ADAM29: variants seen among roughly 807,000 people sequenced by gnomAD.
ADAM29 encodes ADAM metallopeptidase domain 29.
For missense variants in ADAM29, 969 were observed against 1,001.8 expected, an observed-to-expected ratio of 0.97 and a Z score of 0.44; for synonymous variants, 367 against 342.3, an observed-to-expected ratio of 1.07 and a Z score of -0.80.
At chr4:174,975,278 C>T (rs957788218) in intron 4 of ADAM29, 68 bp from the exon 5 acceptor site, 1 of 368,074 alleles carries the variant, frequency 2.7e-6, no homozygotes, top group African/African-American at 2.1e-5. Flanking sequence ...TCCTCTTCCC[C>T]ACTGGATTCT....
At chr4:174,960,578 T>C (rs1190109745) in intron 4 of ADAM29, among the ~76,000 whole-genome samples, 4 of 152,172 alleles carry the variant, frequency 2.6e-5, no homozygotes, top group Non-Finnish European at 5.9e-5. Flanking sequence ...GACCTAAGAA[T>C]ATTTACATCT....
chr4:174,956,339 G>A (rs925064674), intron 4 of ADAM29, among the ~76,000 whole-genome samples: 2 of 151,794 alleles, frequency 1.3e-5, no homozygotes, highest in Non-Finnish European at 2.9e-5. Context: ...ATATATACTT[G>A]TGTTTCAGTT....
chr4:174,951,472 C>T (rs922221313), intron 4 of ADAM29, among the ~76,000 whole-genome samples: 3 of 152,094 alleles, frequency 2.0e-5, no homozygotes, highest in Non-Finnish European at 2.9e-5. Flanking sequence ...TATGTTCTTT[C>T]TTAGGAAGCC....
At chr4:174,959,903 C>G (rs1254395264) in intron 4 of ADAM29, among the ~76,000 whole-genome samples, 1 of 151,882 alleles carries the variant, frequency 6.6e-6, no homozygotes, top group Non-Finnish European at 1.5e-5. Context: ...TCAGTTTATA[C>G]ATTTCTTATG....
chr4:174,952,509 T>C (rs1314806958), intron 4 of ADAM29, among the ~76,000 whole-genome samples: 1 of 152,166 alleles, frequency 6.6e-6, no homozygotes, highest in Non-Finnish European at 1.5e-5. Flanking sequence ...ATTTCAGATA[T>C]CCAGTTAATA....
chr4:174,946,731 G>A (rs188899263), intron 4 of ADAM29, among the ~76,000 whole-genome samples: 1 of 152,224 alleles, frequency 6.6e-6, no homozygotes, highest in East Asian at 1.9e-4. Context: ...TATCTTCCAG[G>A]TTTTGGTATC....
In ADAM29 at chr4:174,925,390, A is replaced by G. The variant is rs189713473; in HGVS notation, c.-451+4598A>G. 2.3e-3 allele frequency among the ~76,000 whole-genome samples: 346 copies of G among 152,236 alleles called. 2 individuals are homozygous for G. The highest frequency in any genetic ancestry group is 8.0e-3 in the African/African-American group (334 of 41,544). On this transcript the variant is annotated intron_variant, in intron 2 of 4. Transcript: ENST00000359240. ...GCATTTTTTTTTTCTGTAAATTAAAACGGTTTTAAAAAACAAAGTTTATAT... is the reference window on the plus strand; with the variant it reads ...GCATTTTTTTTTTCTGTAAATTAAAGCGGTTTTAAAAAACAAAGTTTATAT...
At chr4:174,949,880 T>C (rs1213144514) in intron 4 of ADAM29, among the ~76,000 whole-genome samples, 2 of 152,140 alleles carry the variant, frequency 1.3e-5, no homozygotes, top group Non-Finnish European at 2.9e-5. Flanking sequence ...TTTATTATAG[T>C]CCTTTATATC....
intron 2 of ADAM29, among the ~76,000 whole-genome samples, chr4:174,929,992 G>T (rs1207536217): frequency 6.6e-6 from 1 of 152,108 alleles, no homozygotes; most frequent in Non-Finnish European, 1.5e-5. Flanking sequence ...GCAGTGGCCT[G>T]ATCTCTGCTC....
intron 4 of ADAM29, among the ~76,000 whole-genome samples, chr4:174,947,300 T>G (rs937818045): frequency 2.6e-5 from 4 of 152,156 alleles, no homozygotes; most frequent in African/African-American, 9.7e-5. Context: ...GCTTTGGGGT[T>G]GGTTTGCTAT....
At chr4:174,945,593 C>T (rs918832806) in intron 4 of ADAM29, among the ~76,000 whole-genome samples, 2 of 152,020 alleles carry the variant, frequency 1.3e-5, no homozygotes, top group African/African-American at 2.4e-5. Context: ...ATTGTGTTTT[C>T]TAGGTTATCT....
intron 4 of ADAM29, among the ~76,000 whole-genome samples, chr4:174,945,359 A>C (rs897354894): frequency 6.6e-6 from 1 of 152,084 alleles, no homozygotes; most frequent in Non-Finnish European, 1.5e-5. Context: ...TTTACTTGCT[A>C]ATCTGCTTAA....
intron 2 of ADAM29, among the ~76,000 whole-genome samples, chr4:174,929,216 G>A (rs1743699017): frequency 6.6e-6 from 1 of 152,018 alleles, no homozygotes; most frequent in East Asian, 1.9e-4. Flanking sequence ...CCTCTTCTGT[G>A]AGGTACACTC....
chr4:174,975,791 T>C lies in ADAM29; in HGVS notation c.266T>C (p.Ile89Thr), dbSNP rs1322172726. ...TTCACCTACACAGACCAGGGTGCTA[T>C]CCTTGAGGACCAGCCATTTGTCCAG... is the stretch of plus-strand genomic sequence containing the variant. Reference protein sequence around the residue: ...PVFTYTDQGAILEDQPFVQNN... With the variant: ...PVFTYTDQGATLEDQPFVQNN... Residue 89 changes from isoleucine to threonine, a missense_variant, in exon 5 of 5, where the codon ATC becomes ACC. Transcript: ENST00000359240. 1 of 1,614,124 alleles carries C rather than the reference T, an allele frequency of 6.2e-7. No individual in the cohort carries two copies. Among genetic ancestry groups the C allele is most frequent in the Non-Finnish European group, 8.5e-7 (1 of 1,180,024 alleles).
At chr4:174,960,278 CT>C (rs1745734041) in intron 4 of ADAM29, among the ~76,000 whole-genome samples, 2 of 151,750 alleles carry the variant, frequency 1.3e-5, no homozygotes, top group Admixed American at 1.3e-4. Context: ...TTTTTCATCA[CT>C]TTTTAGTATG....
At chr4:174,961,629 A>G (rs1019001016) in intron 4 of ADAM29, among the ~76,000 whole-genome samples, 2 of 152,170 alleles carry the variant, frequency 1.3e-5, no homozygotes, top group Non-Finnish European at 2.9e-5. Flanking sequence ...GATACATTCC[A>G]AATTTAAAAC....
intron 4 of ADAM29, among the ~76,000 whole-genome samples, chr4:174,943,120 C>T (rs1744638912): frequency 6.6e-6 from 1 of 152,198 alleles, no homozygotes. Context: ...TCCTCACCTC[C>T]ACCTGAAACC....
chr4:174,976,208 T>G lies in ADAM29; in HGVS notation c.683T>G (p.Ile228Ser). The change falls in exon 5 of 5, where the codon ATT becomes AGT. Residue 228 changes from isoleucine (I) to serine (S), a missense_variant. Coordinates refer to ENST00000359240, the MANE Select transcript of ADAM29 (RefSeq NM_014269.4). ...DSKLLEDLYVIVNIVDSILDV... is the reference protein window; with the variant it reads ...DSKLLEDLYVSVNIVDSILDV... ...AAGTTGCTGGAGGATCTATATGTTA[T>G]TGTTAATATAGTGGATTCCATTTTG... is the stretch of plus-strand genomic sequence containing the variant. The G allele has an allele frequency of 6.2e-7, 1 of 1,606,670 alleles. No homozygotes were observed.
chr4:174,920,915 G>C (rs1743125738), intron 2 of ADAM29, 123 bp downstream of exon 2: 1 of 152,008 alleles, frequency 6.6e-6, no homozygotes, highest in African/African-American at 2.4e-5. Context: ...TTATCAAGGT[G>C]GATATCAGTT....
Sources: allele counts gnomAD v4.1 joint callset (sites outside exome capture counted in the v4.1 genomes callset), GRCh38; gene constraint gnomAD v4.1.1; transcripts MANE v1.5; gene names NCBI Gene and HGNC (gene_info 2026-07-23, HGNC 2026-07-21).